ASXL3: variants seen among roughly 807,000 people sequenced by gnomAD.
ASXL3 encodes the protein ASXL transcriptional regulator 3.
ASXL3 carries 34 observed loss-of-function variants against 170.6 expected under a neutral mutation model. The observed-to-expected ratio is 0.20, with a 90% CI of 0.15 to 0.27. The LOEUF is 0.27. Among genes scored for constraint, ASXL3 ranks in the 10% least tolerant of loss-of-function variants. The pLI, the probability that ASXL3 is intolerant of heterozygous loss-of-function variation, is 1.00. For synonymous variants in ASXL3, 1,002 were observed against 989.1 expected, an observed-to-expected ratio of 1.01 and a Z score of -0.24; for missense variants, 2,592 against 2,695.3, an observed-to-expected ratio of 0.96 and a Z score of 0.85.
chr18:33,702,743 A>G (rs2066895792), intron 8 of ASXL3, among the ~76,000 whole-genome samples: 2 of 152,156 alleles, frequency 1.3e-5, no homozygotes. Context: ...AAATTATATT[A>G]GGTTTTCAAT....
Position 33,745,667 on chromosome 18 carries a change from G to A in ASXL3, c.5819G>A (p.Gly1940Asp), listed in dbSNP as rs751032091. ...QFYQMPVAAR[G>D]PIPTAALLQA... ...TACCAAATGCCTGTGGCTGCCAGGG[G>A]CCCCATTCCTACTGCAGCTCTGTTA... The change falls in exon 12 of 12, where the codon GGC becomes GAC. Residue 1940 changes from glycine to aspartate, a missense_variant. Physicochemically the swap from Gly to Asp is moderately conservative, Grantham distance 94. This residue lies in a region of ASXL3 where 2,246 missense variants were observed against 2,219.6 expected (regional missense o/e 1.01). Transcript: ENST00000269197. 4.5e-5 allele frequency: 72 copies of A among 1,613,822 alleles called. No individual in the cohort carries two copies. Among genetic ancestry groups the A allele is most frequent in the Non-Finnish European group, 5.8e-5 (68 of 1,179,902 alleles).
At chr18:33,733,679 A>G (rs546997053) in intron 9 of ASXL3, among the ~76,000 whole-genome samples, 11 of 152,310 alleles carry the variant, frequency 7.2e-5, no homozygotes, top group African/African-American at 2.4e-4. Context: ...TAGAACATCT[A>G]TTGGGTAATT....
At chr18:33,626,478 CA>C in intron 2 of ASXL3, 1 of 150,680 alleles carries the variant, frequency 6.6e-6, no homozygotes, top group South Asian at 2.1e-4. Flanking sequence ...AATAGACCTT[CA>C]GGGGTTAATC....
At chr18:33,622,414 C>A (rs2065529459) in intron 2 of ASXL3, among the ~76,000 whole-genome samples, 1 of 152,094 alleles carries the variant, frequency 6.6e-6, no homozygotes, top group South Asian at 2.1e-4. Context: ...TAAATATTTT[C>A]AGATTGTTTT....
At chr18:33,648,392 G>A (rs569934837) in intron 4 of ASXL3, among the ~76,000 whole-genome samples, 87 of 152,188 alleles carry the variant, frequency 5.7e-4, no homozygotes, top group Non-Finnish European at 1.0e-3. Flanking sequence ...AGAGAAAGGA[G>A]TTGGGGATAA....
Position 33,732,032 on chromosome 18 carries a change from C to T in ASXL3, c.944C>T (p.Ala315Val). The change falls in exon 9 of 12, where the codon GCA (alanine) becomes GTA (valine). Residue 315 changes from alanine to valine, a missense_variant. Transcript: ENST00000269197. Reference protein sequence around the residue: ...SALNNEFFAYAAQGWKQRLAE... With the variant: ...SALNNEFFAYVAQGWKQRLAE... ...CTAAATAATGAATTCTTTGCATATG[C>T]AGCACAAGGGTGGAAACAGCGACTG... is the stretch of plus-strand genomic sequence containing the variant. The T allele has an allele frequency of 6.2e-7, 1 of 1,613,098 alleles. No homozygotes were observed. Among genetic ancestry groups the T allele is most frequent in the Non-Finnish European group, 8.5e-7 (1 of 1,179,526 alleles).
At position 33,595,672 on chromosome 18, in the gene ASXL3, C is replaced by G. The variant is rs1438574787; in HGVS notation, c.55-11922C>G. ...CTGCAGAGTATGCTTATTTTCTGAG[C>G]CTGGCTCACATGCCTACGAACATAG... On this transcript the variant is annotated intron_variant, in intron 1 of 11. Transcript: ENST00000269197. Among the ~76,000 whole-genome samples the G allele has an allele frequency of 4.6e-5, 7 of 152,164 alleles. No individual in the cohort carries two copies. In the South Asian group the frequency reaches 1.2e-3, roughly 27 times the overall value.
At chr18:33,580,170 ATC>A (rs2064980081) in intron 1 of ASXL3, among the ~76,000 whole-genome samples, 1 of 152,232 alleles carries the variant, frequency 6.6e-6, no homozygotes, top group Non-Finnish European at 1.5e-5. Context: ...TAATCGCTAA[ATC>A]TCTCACTCTG....
intron 4 of ASXL3, among the ~76,000 whole-genome samples, chr18:33,655,617 G>T (rs2066071519): frequency 6.6e-6 from 1 of 151,996 alleles, no homozygotes; most frequent in Non-Finnish European, 1.5e-5. Context: ...GTTCTGCTTA[G>T]GCTGAATGCA....
chr18:33,602,946 C>T (rs1267766892), intron 1 of ASXL3, among the ~76,000 whole-genome samples: 3 of 152,096 alleles, frequency 2.0e-5, no homozygotes, highest in African/African-American at 7.2e-5. Flanking sequence ...AGGCCCTAAA[C>T]ATCTGAACAC....
chr18:33,630,615 A>G (rs897342250), intron 2 of ASXL3, among the ~76,000 whole-genome samples: 2 of 152,002 alleles, frequency 1.3e-5, no homozygotes, highest in African/African-American at 2.4e-5. Context: ...TCCTTTATCA[A>G]ACATTTAAAG....
chr18:33,596,342 T>C (rs1008149581), intron 1 of ASXL3, among the ~76,000 whole-genome samples: 1 of 152,174 alleles, frequency 6.6e-6, no homozygotes, highest in African/African-American at 2.4e-5. Flanking sequence ...GCAAATTTTA[T>C]TGTATTTCAT....
intron 8 of ASXL3, among the ~76,000 whole-genome samples, chr18:33,714,746 C>T (rs1268345295): frequency 6.6e-6 from 1 of 152,098 alleles, no homozygotes; most frequent in African/African-American, 2.4e-5. Flanking sequence ...CCCCATTCTC[C>T]TCCCCCGGTC....
chr18:33,666,739 C>G (rs978959694), intron 5 of ASXL3, among the ~76,000 whole-genome samples: 1 of 152,012 alleles, frequency 6.6e-6, no homozygotes, highest in African/African-American at 2.4e-5. Context: ...CCTCACAGGA[C>G]TAAGAGAAGG....
chr18:33,609,608 A>G (rs2065303419), intron 2 of ASXL3, among the ~76,000 whole-genome samples: 1 of 152,048 alleles, frequency 6.6e-6, no homozygotes, highest in Non-Finnish European at 1.5e-5. Flanking sequence ...CAACTTCTTC[A>G]AAGAGTAATT....
At chr18:33,682,608 C>T (rs368795078) in intron 7 of ASXL3, among the ~76,000 whole-genome samples, 2 of 152,050 alleles carry the variant, frequency 1.3e-5, no homozygotes, top group African/African-American at 4.8e-5. Flanking sequence ...AGTGCAGTGG[C>T]GCAGTCATGG....
chr18:33,696,220 A>T (rs1364832667), intron 8 of ASXL3, among the ~76,000 whole-genome samples: 1 of 152,178 alleles, frequency 6.6e-6, no homozygotes, highest in African/African-American at 2.4e-5. Context: ...CTATTAAAAA[A>T]ATATAGTTGC....
intron 8 of ASXL3, among the ~76,000 whole-genome samples, chr18:33,696,853 CAA>C (rs1215410276): frequency 6.6e-6 from 1 of 152,106 alleles, no homozygotes; most frequent in East Asian, 1.9e-4. Flanking sequence ...GATGTATCAC[CAA>C]ACATATGGGT....
chr18:33,678,663 T>G (rs910556997), intron 7 of ASXL3, among the ~76,000 whole-genome samples: 4 of 152,222 alleles, frequency 2.6e-5, no homozygotes, highest in African/African-American at 9.6e-5. Context: ...CCTCAGACCC[T>G]CTAGGCTAAG....
Sources: gnomAD v4.1 joint callset for allele counts (sites outside exome capture counted in the v4.1 genomes callset) on GRCh38, gnomAD v4.1.1 for gene constraint, gnomAD v4.1.1 regional missense constraint, MANE v1.5 for transcripts, NCBI Gene and HGNC (gene_info 2026-07-23, HGNC 2026-07-21) for gene names.